Variants in NEDD9 observed in about 807,000 individuals in gnomAD.
The protein encoded by NEDD9 is neural precursor cell expressed, developmentally down-regulated 9, also known as enhancer of filamentation 1.
NEDD9 carries 26 observed loss-of-function variants against 76.6 expected under a neutral mutation model. The observed-to-expected ratio is 0.34, with a 90% CI of 0.25 to 0.47. The LOEUF (loss-of-function observed/expected upper bound fraction) is 0.47, where lower values mean the gene tolerates loss of function less well. Ranked by LOEUF, NEDD9 falls within the 20% of genes least tolerant of loss-of-function variation. The pLI is 1.00. For synonymous variants in NEDD9, 392 were observed against 414.2 expected (o/e 0.95, Z 0.65); for missense variants, 937 against 1,058.5 (o/e 0.89, Z 1.59).
intron 2 of NEDD9, among the ~76,000 whole-genome samples, chr6:11,209,119 G>A (rs1459934528): frequency 6.6e-6 from 1 of 152,094 alleles, no homozygotes; most frequent in African/African-American, 2.4e-5. Context: ...ATAGTTATAA[G>A]CCCTAAATAA....
At chr6:11,356,005 G>A (rs548695510) in intron 1 of NEDD9, among the ~76,000 whole-genome samples, 1 of 152,266 alleles carries the variant, frequency 6.6e-6, no homozygotes, top group East Asian at 1.9e-4. Flanking sequence ...GCAGGCGTGA[G>A]CCACCATGCC....
At chr6:11,305,111 A>T in intron 3 of NEDD9, 1 of 1,289,246 alleles carries the variant, frequency 7.8e-7, no homozygotes, top group Non-Finnish European at 1.0e-6. Flanking sequence ...TCTTGGCTTG[A>T]TACGGTGCCC....
At chr6:11,265,106 A>AT (rs1282355932) in intron 3 of NEDD9, among the ~76,000 whole-genome samples, 1 of 152,246 alleles carries the variant, frequency 6.6e-6, no homozygotes, top group African/African-American at 2.4e-5. Flanking sequence ...CAGTTTTCAG[A>AT]TTTTTTAATC....
At chr6:11,201,108 T>C in intron 2 of NEDD9, 1 of 1,592,038 alleles carries the variant, frequency 6.3e-7, no homozygotes, top group Non-Finnish European at 8.6e-7. Context: ...TTGTTCAAGG[T>C]CTCAGCAAGT....
rs180880727 is a variant in NEDD9 at position 11,185,119 on chromosome 6, C to T, written c.*43G>A. 6.5e-6 allele frequency: 10 copies of T among 1,547,868 alleles called. No individual in the cohort carries two copies. In the Admixed American group the frequency reaches 1.8e-4, roughly 28 times the overall value. On this transcript the variant is annotated 3_prime_UTR_variant, in exon 7 of 7. Transcript: ENST00000379446. ...AAACCAGACAGTATTTCCAGTTTTC[C>T]TTAGTAACCGTTAACGCAGTCCCCT...
intron 3 of NEDD9, among the ~76,000 whole-genome samples, chr6:11,304,385 G>A (rs1467130210): frequency 6.6e-6 from 1 of 152,240 alleles, no homozygotes; most frequent in Non-Finnish European, 1.5e-5. Flanking sequence ...AACCATTGTG[G>A]AAGACAATGT....
chr6:11,188,086 C>T (rs963881762), intron 6 of NEDD9, 132 bp downstream of exon 6: 25 of 733,492 alleles, frequency 3.4e-5, no homozygotes, highest in African/African-American at 2.1e-4. Flanking sequence ...AACCCCATTC[C>T]GTGCTTTGGA....
rs571550854 is a variant in NEDD9 at position 11,318,909 on chromosome 6, A to G, written c.-152-12754T>C. On this transcript the variant is annotated intron_variant, in intron 2 of 3. Coordinates refer to the NEDD9 transcript ENST00000397378. ...CTATTGGCTGAAAAGAAACAACAGGAGAGGTGAGAATTTGTCCAGTTTATA... is the reference window on the plus strand; with the variant it reads ...CTATTGGCTGAAAAGAAACAACAGGGGAGGTGAGAATTTGTCCAGTTTATA... 7.7e-4 allele frequency among the ~76,000 whole-genome samples: 118 copies of G among 152,344 alleles called. 1 individual carries two copies. The highest frequency in any genetic ancestry group is 2.8e-3 in the African/African-American group (115 of 41,574).
chr6:11,360,968 A>C (rs936319768), intron 1 of NEDD9, among the ~76,000 whole-genome samples: 1 of 152,192 alleles, frequency 6.6e-6, no homozygotes, highest in Non-Finnish European at 1.5e-5. Context: ...AGTAAAACTA[A>C]TGTATCAGCT....
intron 1 of NEDD9, among the ~76,000 whole-genome samples, chr6:11,349,015 A>G (rs1762414684): frequency 6.6e-6 from 1 of 152,250 alleles, no homozygotes; most frequent in African/African-American, 2.4e-5. Context: ...AAATATTTGC[A>G]AACTATGCAT....
chr6:11,312,592 C>A (rs1026633498), intron 2 of NEDD9, among the ~76,000 whole-genome samples: 13 of 151,870 alleles, frequency 8.6e-5, no homozygotes, highest in Admixed American at 7.9e-4. Flanking sequence ...AGTTCCCAAT[C>A]TCTAAACTTT....
At chr6:11,363,714 G>A (rs1160796261) in intron 1 of NEDD9, among the ~76,000 whole-genome samples, 1 of 152,178 alleles carries the variant, frequency 6.6e-6, no homozygotes, top group Non-Finnish European at 1.5e-5. Context: ...CTCATGTTAG[G>A]GTGATGTGAA....
intron 1 of NEDD9, among the ~76,000 whole-genome samples, chr6:11,376,856 G>A (rs892532206): frequency 6.6e-6 from 1 of 152,232 alleles, no homozygotes; most frequent in African/African-American, 2.4e-5. Flanking sequence ...TCCCATCAAA[G>A]GCCCAGAGGC....
At chr6:11,228,931 T>C (rs933158782) in intron 1 of NEDD9, among the ~76,000 whole-genome samples, 3 of 152,166 alleles carry the variant, frequency 2.0e-5, no homozygotes, top group Non-Finnish European at 2.9e-5. Context: ...GCAAAAATCA[T>C]ACAGAGAAAA....
intron 2 of NEDD9, among the ~76,000 whole-genome samples, chr6:11,328,247 G>A (rs1027362558): frequency 6.6e-6 from 1 of 152,248 alleles, no homozygotes; most frequent in African/African-American, 2.4e-5. Context: ...CCTGTTGTGT[G>A]CTGGAGACAC....
chr6:11,226,933 A>G (rs1174569088), intron 1 of NEDD9, among the ~76,000 whole-genome samples: 1 of 152,244 alleles, frequency 6.6e-6, no homozygotes, highest in East Asian at 1.9e-4. Flanking sequence ...GCATAAAACT[A>G]TACTGTTAGA....
chr6:11,259,974 C>A (rs1034335207), intron 3 of NEDD9, among the ~76,000 whole-genome samples: 1 of 33,802 alleles, frequency 3.0e-5, no homozygotes, highest in African/African-American at 1.2e-4. Context: ...ACACACCCCA[C>A]CACAGAAACA....
intron 3 of NEDD9, among the ~76,000 whole-genome samples, chr6:11,257,269 G>T (rs945752802): frequency 6.6e-6 from 1 of 152,192 alleles, no homozygotes; most frequent in Admixed American, 6.5e-5. Context: ...CACATTAGAT[G>T]CCAGTAGCAC....
chr6:11,185,238 A>G lies in NEDD9; in HGVS notation c.2429T>C (p.Met810Thr). ...HYPSTTALQE[M>T]VHQVTDLSRN... Reference sequence around the variant, plus strand: ...AGAAAGGTCTGTCACTTGGTGCACCATTTCCTGCAGGGCCGTGGTGCTGGG... The same window carrying G: ...AGAAAGGTCTGTCACTTGGTGCACCGTTTCCTGCAGGGCCGTGGTGCTGGG... The change falls in exon 7 of 7, where the codon ATG becomes ACG. Residue 810 changes from methionine to threonine, a missense_variant. Coordinates refer to ENST00000379446, the MANE Select transcript of NEDD9 (RefSeq NM_006403.4). The G allele has an allele frequency of 1.2e-6, 2 of 1,613,994 alleles. No homozygotes were observed. Among genetic ancestry groups the G allele is most frequent in the Middle Eastern group, 1.6e-4 (1 of 6,062 alleles).
Sources: gnomAD v4.1 joint callset for allele counts (sites outside exome capture counted in the v4.1 genomes callset) on GRCh38, gnomAD v4.1.1 for gene constraint, MANE v1.5 for transcripts, NCBI Gene and HGNC (gene_info 2026-07-23, HGNC 2026-07-21) for gene names.